Variants in ALG6 observed in about 807,000 individuals in gnomAD.
The protein encoded by ALG6 is dolichyl pyrophosphate Man9GlcNAc2 alpha-1,3-glucosyltransferase.
Under a neutral mutation model 66.6 loss-of-function variants are expected in ALG6, and 46 were observed. The observed-to-expected ratio is 0.69, with a 90% CI of 0.55 to 0.88. The LOEUF (loss-of-function observed/expected upper bound fraction) is 0.88. Among genes scored for constraint, ALG6 ranks in the 40% least tolerant of loss-of-function variants. The pLI is 0.00. For missense variants in ALG6, 505 were observed against 586.8 expected (o/e 0.86, Z 1.44); for synonymous variants, 185 against 203.7 (o/e 0.91, Z 0.78).
At chr1:63,373,741 G>A (rs1225394119) in intron 2 of ALG6, among the ~76,000 whole-genome samples, 2 of 145,888 alleles carry the variant, frequency 1.4e-5, no homozygotes, top group Non-Finnish European at 3.0e-5. Flanking sequence ...GCTCACTGCA[G>A]CCTTGACCTC....
intron 1 of ALG6, among the ~76,000 whole-genome samples, chr1:63,369,350 C>T (rs774861164): frequency 4.6e-5 from 7 of 152,010 alleles, no homozygotes; most frequent in East Asian, 1.9e-4. Flanking sequence ...TAATTAGGGC[C>T]GGGTGCAGTG....
chr1:63,371,573 A>G (rs1232877374), intron 2 of ALG6, among the ~76,000 whole-genome samples: 3 of 152,130 alleles, frequency 2.0e-5, no homozygotes, highest in Non-Finnish European at 2.9e-5. Flanking sequence ...TGAATAGCCA[A>G]TACTCAGAGG....
In ALG6 at chr1:63,408,413, A is replaced by G. The variant is rs942861682; in HGVS notation, c.494+1287A>G. On this transcript the variant is annotated intron_variant, in intron 7 of 14. Coordinates refer to ENST00000263440, the MANE Select transcript of ALG6 (RefSeq NM_013339.4). ...TTACGATATTCCATTGCATGAATAC[A>G]TGTAATTCTATCACTGAGAGAGTAA... Among the ~76,000 whole-genome samples, 7 of 152,348 alleles carry G rather than the reference A, an allele frequency of 4.6e-5. No individual in the cohort carries two copies. The South Asian group carries it at 1.4e-3, about 32-fold the overall frequency.
At chr1:63,420,679 T>G (rs1644568473) in intron 12 of ALG6, among the ~76,000 whole-genome samples, 1 of 151,780 alleles carries the variant, frequency 6.6e-6, no homozygotes, top group Non-Finnish European at 1.5e-5. Flanking sequence ...ACTAACACGG[T>G]GAAACCCTGT....
At chr1:63,385,625 C>G (rs959482772) in intron 2 of ALG6, among the ~76,000 whole-genome samples, 1 of 152,030 alleles carries the variant, frequency 6.6e-6, no homozygotes, top group African/African-American at 2.4e-5. Context: ...AATTGTTCAC[C>G]ATTGGCATAC....
chr1:63,434,446 A>G (rs1306767971), intron 14 of ALG6, among the ~76,000 whole-genome samples: 1 of 152,158 alleles, frequency 6.6e-6, no homozygotes, highest in Non-Finnish European at 1.5e-5. Flanking sequence ...AGTTTTTTAC[A>G]TGTTTAGTTT....
chr1:63,428,809 A>C lies in ALG6; in HGVS notation c.1127+8A>C, dbSNP rs756307525. 1.9e-6 allele frequency: 3 copies of C among 1,601,570 alleles called. No homozygotes were observed. Among genetic ancestry groups the C allele is most frequent in the Admixed American group, 3.3e-5 (2 of 59,836 alleles). On this transcript the variant is annotated splice_region_variant and intron_variant, in intron 13 of 14. Coordinates refer to ENST00000263440, the MANE Select transcript of ALG6 (RefSeq NM_013339.4). ...ACTTGTGTCAACATTTAGGTAAGTCATATCAATTTCCATATATTTTCAGTA... is the reference window on the plus strand; with the variant it reads ...ACTTGTGTCAACATTTAGGTAAGTCCTATCAATTTCCATATATTTTCAGTA...
At chr1:63,370,174 A>G (rs1257001116) in intron 1 of ALG6, among the ~76,000 whole-genome samples, 1 of 152,134 alleles carries the variant, frequency 6.6e-6, no homozygotes, top group African/African-American at 2.4e-5. Flanking sequence ...AAAAAAAAAA[A>G]AAGTAAGTGG....
chr1:63,398,147 C>T (rs1287159174), intron 3 of ALG6, among the ~76,000 whole-genome samples: 1 of 152,100 alleles, frequency 6.6e-6, no homozygotes, highest in Non-Finnish European at 1.5e-5. Flanking sequence ...TTTTATATAG[C>T]TCTTTATCAG....
chr1:63,396,880 A>G (rs1325629855), intron 3 of ALG6, among the ~76,000 whole-genome samples: 1 of 152,184 alleles, frequency 6.6e-6, no homozygotes, highest in Non-Finnish European at 1.5e-5. Flanking sequence ...CTATGGAAGC[A>G]CCATCATAGG....
chr1:63,407,194 GCTGTCATCT>G, intron 7 of ALG6, 68 bp downstream of exon 7: 1 of 1,138,540 alleles, frequency 8.8e-7, no homozygotes, highest in Non-Finnish European at 1.3e-6. Flanking sequence ...TGTGTACATT[GCTGTCATCT>G]AGTAATGTCT....
chr1:63,422,377 GTATAAATATATATAAATATATATCTA>G lies in ALG6; in HGVS notation c.1058+2948_1058+2973del, dbSNP rs1570082702. On this transcript the variant is annotated intron_variant, in intron 12 of 14. Transcript: ENST00000263440. Reference sequence around the variant, plus strand: ...TCTATATAAATATAAATATATATAAGTATAAATATATATAAATATATATCTATATAAATATAAATATATATATAAAT... The same window carrying G: ...TCTATATAAATATAAATATATATAAGTATAAATATAAATATATATATAAAT... Among the ~76,000 whole-genome samples the G allele has an allele frequency of 5.7e-5, 4 of 70,434 alleles. No individual in the cohort carries two copies. In the East Asian group the frequency reaches 1.4e-3, roughly 24 times the overall value. 46.2% of individuals were successfully genotyped at this position (70,434 alleles called of 152,430 possible). A position where few individuals can be genotyped will look rare whatever the true frequency, so the allele number is the denominator to read the frequency against.
Position 63,411,069 on chromosome 1 carries a change from T to C in ALG6, c.495-77T>C. 2.1e-6 allele frequency: 3 copies of C among 1,451,318 alleles called. No homozygotes were observed. The South Asian group carries it at 3.5e-5, about 17-fold the overall frequency. 89.9% of individuals were successfully genotyped at this position (1,451,318 alleles called of 1,614,324 possible). A position where few individuals can be genotyped will look rare whatever the true frequency, so the allele number is the denominator to read the frequency against. On this transcript the variant is annotated intron_variant, in intron 7 of 14. Transcript: ENST00000263440. ...ATGAGCTTGCATTTCCTAGAGCATA[T>C]CTCTTGTGTGATTTGCTTTTTAAAA...
intron 3 of ALG6, among the ~76,000 whole-genome samples, chr1:63,397,560 T>G (rs911914186): frequency 1.6e-4 from 10 of 62,398 alleles, no homozygotes; most frequent in Non-Finnish European, 5.6e-5. Context: ...AGCTCTACCC[T>G]TCATTGTTAT....
At chr1:63,386,913 T>A (rs530100255) in intron 2 of ALG6, among the ~76,000 whole-genome samples, 88 of 152,308 alleles carry the variant, frequency 5.8e-4, no homozygotes, top group Non-Finnish European at 9.4e-4. Context: ...TTTTTTGACA[T>A]AGGCACTTAT....
At chr1:63,429,652 C>T (rs1408669571) in intron 14 of ALG6, 1 of 153,340 alleles carries the variant, frequency 6.5e-6, no homozygotes, top group Non-Finnish European at 1.5e-5. Flanking sequence ...GTTGTCTCTT[C>T]CTTTTCTTGT....
chr1:63,400,276 T>TAC (rs1644452238), intron 3 of ALG6, among the ~76,000 whole-genome samples: 1 of 21,746 alleles, frequency 4.6e-5, no homozygotes, highest in Non-Finnish European at 6.3e-5. Flanking sequence ...TACGTATATA[T>TAC]ATATACGTAT....
chr1:63,417,569 C>T (rs570333485), intron 11 of ALG6, among the ~76,000 whole-genome samples: 1 of 152,100 alleles, frequency 6.6e-6, no homozygotes, highest in South Asian at 2.1e-4. Flanking sequence ...TCATGTTTGC[C>T]TGAATTATAT....
At chr1:63,415,997 A>G (rs1481835491) in intron 11 of ALG6, 40 bp downstream of exon 11, 2 of 1,372,436 alleles carry the variant, frequency 1.5e-6, no homozygotes, top group African/African-American at 2.9e-5. Flanking sequence ...TTCTTGCCAC[A>G]ACTGATCTTT....
Sources: allele counts gnomAD v4.1 joint callset (sites outside exome capture counted in the v4.1 genomes callset), GRCh38; gene constraint gnomAD v4.1.1; transcripts MANE v1.5; gene names NCBI Gene and HGNC (gene_info 2026-07-23, HGNC 2026-07-21).